Variants in FGGY observed in about 807,000 individuals in gnomAD.
FGGY encodes FGGY carbohydrate kinase domain-containing protein.
Under a neutral mutation model 71.3 loss-of-function variants are expected in FGGY, and 72 were observed. The ratio of observed to expected loss-of-function variants is 1.01; its 90% CI spans 0.84 to 1.23. The LOEUF is 1.23. FGGY is among the 50% of genes most tolerant of loss of function. The pLI is 0.00. For missense variants in FGGY, 668 were observed against 682.3 expected, an observed-to-expected ratio of 0.98 and a Z score of 0.23; for synonymous variants, 251 against 250.3, an observed-to-expected ratio of 1.00 and a Z score of -0.02.
At chr1:59,603,691 C>A (rs1571973983) in intron 8 of FGGY, among the ~76,000 whole-genome samples, 1 of 152,254 alleles carries the variant, frequency 6.6e-6, no homozygotes, top group East Asian at 1.9e-4. Flanking sequence ...CCCATAGTTT[C>A]TCTTCTGTTG....
chr1:59,449,476 G>A (rs934723452), intron 5 of FGGY, among the ~76,000 whole-genome samples: 1 of 151,880 alleles, frequency 6.6e-6, no homozygotes, highest in Non-Finnish European at 1.5e-5. Flanking sequence ...GTAGAGATGG[G>A]GTTTCACCAT....
intron 6 of FGGY, among the ~76,000 whole-genome samples, chr1:59,494,700 A>G (rs1486066943): frequency 6.6e-6 from 1 of 152,208 alleles, no homozygotes; most frequent in African/African-American, 2.4e-5. Context: ...ACTGTTGCCC[A>G]CAAGGAAATT....
chr1:59,377,249 C>T (rs978686373), intron 4 of FGGY, among the ~76,000 whole-genome samples: 6 of 152,170 alleles, frequency 3.9e-5, no homozygotes, highest in South Asian at 2.1e-4. Flanking sequence ...TTGTATTAGT[C>T]TGGTCTTACA....
At chr1:59,741,058 G>C (rs1048977125) in intron 14 of FGGY, among the ~76,000 whole-genome samples, 1 of 152,098 alleles carries the variant, frequency 6.6e-6, no homozygotes, top group Non-Finnish European at 1.5e-5. Flanking sequence ...TTTTAAGTGG[G>C]TACTAGAAAA....
At chr1:59,678,357 A>G (rs2153984807) in intron 14 of FGGY, among the ~76,000 whole-genome samples, 1 of 152,294 alleles carries the variant, frequency 6.6e-6, no homozygotes, top group African/African-American at 2.4e-5. Context: ...GTAATTCTGA[A>G]TATCTTGGAA....
At chr1:59,557,810 C>A (rs1416671799) in intron 8 of FGGY, among the ~76,000 whole-genome samples, 4 of 152,114 alleles carry the variant, frequency 2.6e-5, no homozygotes, top group African/African-American at 4.8e-5. Flanking sequence ...TGTAACTTGG[C>A]AACTTGTCTT....
intron 2 of FGGY, among the ~76,000 whole-genome samples, chr1:59,329,342 T>A (rs1027090874): frequency 6.6e-6 from 1 of 152,250 alleles, no homozygotes; most frequent in Non-Finnish European, 1.5e-5. Flanking sequence ...TAAAAAATAC[T>A]TTATTGCTAA....
intron 2 of FGGY, among the ~76,000 whole-genome samples, chr1:59,328,159 A>G (rs1228423553): frequency 6.6e-6 from 1 of 152,328 alleles, no homozygotes; most frequent in East Asian, 1.9e-4. Flanking sequence ...TTTTGTCTCT[A>G]GCTGTGAAAG....
At chr1:59,625,082 C>A (rs756574346) in intron 9 of FGGY, among the ~76,000 whole-genome samples, 5 of 152,136 alleles carry the variant, frequency 3.3e-5, no homozygotes, top group African/African-American at 4.8e-5. Flanking sequence ...TATCCCTGTG[C>A]AGCCAAAAGA....
At chr1:59,440,063 A>G (rs2069412428) in intron 5 of FGGY, among the ~76,000 whole-genome samples, 1 of 143,960 alleles carries the variant, frequency 6.9e-6, no homozygotes, top group Admixed American at 7.2e-5. Context: ...ATAAGACATA[A>G]TTTATTTGTT....
intron 4 of FGGY, among the ~76,000 whole-genome samples, chr1:59,367,655 A>G (rs1442451127): frequency 6.6e-6 from 1 of 152,232 alleles, no homozygotes; most frequent in Non-Finnish European, 1.5e-5. Context: ...GTGTCACTGC[A>G]GTAGCTGCCT....
chr1:59,705,321 T>C (rs1374381627), intron 14 of FGGY, among the ~76,000 whole-genome samples: 1 of 152,206 alleles, frequency 6.6e-6, no homozygotes, highest in African/African-American at 2.4e-5. Context: ...CTTTAAACTA[T>C]TTCTTTACTT....
intron 4 of FGGY, among the ~76,000 whole-genome samples, chr1:59,346,639 G>A (rs1281094744): frequency 1.3e-5 from 2 of 152,082 alleles, no homozygotes; most frequent in East Asian, 3.9e-4. Flanking sequence ...GAAGGCCAAC[G>A]ACCCTATGAA....
At chr1:59,498,451 T>G (rs1477353824) in intron 6 of FGGY, among the ~76,000 whole-genome samples, 4 of 152,198 alleles carry the variant, frequency 2.6e-5, no homozygotes, top group African/African-American at 4.8e-5. Context: ...GGGTTCCACT[T>G]TATAACATTG....
At chr1:59,589,466 C>T (rs554218802) in intron 8 of FGGY, among the ~76,000 whole-genome samples, 2 of 152,140 alleles carry the variant, frequency 1.3e-5, no homozygotes, top group East Asian at 3.8e-4. Flanking sequence ...CTCTCCACCC[C>T]AAATCAACAG....
At chr1:59,753,481 T>C (rs1260925495) in intron 14 of FGGY, among the ~76,000 whole-genome samples, 1 of 103,500 alleles carries the variant, frequency 9.7e-6, no homozygotes. Context: ...TATATATATA[T>C]ATATATATAT....
At position 59,719,705 on chromosome 1, in the gene FGGY, C is replaced by T. The variant is rs531366087; in HGVS notation, c.1513-38226C>T. ...GTATAATTATGTTTATAAAAAAGAG[C>T]GGTGCATGTTAATCACTTACTATAG... is the stretch of plus-strand genomic sequence containing the variant. On this transcript the variant is annotated intron_variant, in intron 14 of 15. Coordinates refer to ENST00000303721, the MANE Select transcript of FGGY (RefSeq NM_018291.5). Among the ~76,000 whole-genome samples the T allele has an allele frequency of 1.7e-3, 260 of 152,222 alleles. 1 individual carries two copies. Among genetic ancestry groups the T allele is most frequent in the African/African-American group, 5.4e-3 (226 of 41,534 alleles).
At chr1:59,744,515 C>T (rs1180716613) in intron 14 of FGGY, among the ~76,000 whole-genome samples, 1 of 152,096 alleles carries the variant, frequency 6.6e-6, no homozygotes, top group East Asian at 1.9e-4. Flanking sequence ...GCCACTGCGC[C>T]CGGCCCACCC....
At position 59,667,419 on chromosome 1, in the gene FGGY, A is replaced by G. The variant is rs773033066; in HGVS notation, c.1417+16A>G. ...GACATTACTGGTAAGTCTGGGAAAG[A>G]GGAGAGAAGGTCACTTTTTGGCTTG... On this transcript the variant is annotated intron_variant, in intron 13 of 15. Transcript: ENST00000303721. The G allele has an allele frequency of 6.2e-7, 1 of 1,612,340 alleles. No homozygotes were observed. Among genetic ancestry groups the G allele is most frequent in the Non-Finnish European group, 8.5e-7 (1 of 1,179,084 alleles).
Sources: allele counts gnomAD v4.1 joint callset (sites outside exome capture counted in the v4.1 genomes callset), GRCh38; gene constraint gnomAD v4.1.1; transcripts MANE v1.5; gene names NCBI Gene and HGNC (gene_info 2026-07-23, HGNC 2026-07-21).